MAP3K7: variants seen among roughly 807,000 people sequenced by gnomAD.
MAP3K7 encodes TGF-beta activated kinase 1.
A neutral mutation model predicts 84.8 loss-of-function variants in MAP3K7; 21 were observed. The ratio of observed to expected loss-of-function variants is 0.25; its 90% confidence interval spans 0.18 to 0.36. MAP3K7 has a LOEUF of 0.36. MAP3K7 is among the 10% of genes least tolerant of loss of function. The pLI, the probability that MAP3K7 is intolerant of heterozygous loss-of-function variation, is 1.00. For synonymous variants in MAP3K7, 241 were observed against 247.7 expected, an observed-to-expected ratio of 0.97 and a Z score of 0.25; for missense variants, 503 against 747.7, an observed-to-expected ratio of 0.67 and a Z score of 3.82.
At chr6:90,530,956 T>C (rs1775488709) in intron 13 of MAP3K7, among the ~76,000 whole-genome samples, 2 of 152,196 alleles carry the variant, frequency 1.3e-5, no homozygotes, top group South Asian at 4.1e-4. Flanking sequence ...CTCCTTCCTC[T>C]AAGACATTTA....
chr6:90,577,062 G>T (rs968784770), intron 1 of MAP3K7, among the ~76,000 whole-genome samples: 1 of 152,160 alleles, frequency 6.6e-6, no homozygotes, highest in Non-Finnish European at 1.5e-5. Context: ...TGTAAATAGA[G>T]ACCCATTAGG....
intron 3 of MAP3K7, among the ~76,000 whole-genome samples, chr6:90,562,646 G>C (rs557938864): frequency 6.6e-6 from 1 of 152,358 alleles, no homozygotes; most frequent in African/African-American, 2.4e-5. Context: ...CACCTCTGGG[G>C]GCAGGGCATA....
intron 13 of MAP3K7, among the ~76,000 whole-genome samples, chr6:90,535,148 A>G (rs1315391603): frequency 1.3e-5 from 2 of 152,114 alleles, no homozygotes; most frequent in East Asian, 3.8e-4. Flanking sequence ...AAATAAACAT[A>G]TTTCCAGATA....
At chr6:90,547,138 C>A in intron 11 of MAP3K7, 120 bp downstream of exon 11, 1 of 1,050,708 alleles carries the variant, frequency 9.5e-7, no homozygotes, top group Non-Finnish European at 1.4e-6. Flanking sequence ...ATATTGTAAA[C>A]CTACTTCCTA....
At chr6:90,547,207 C>T in intron 11 of MAP3K7, 51 bp downstream of exon 11, 1 of 1,595,852 alleles carries the variant, frequency 6.3e-7, no homozygotes, top group Non-Finnish European at 8.5e-7. Flanking sequence ...CTACCATGGC[C>T]AAAAAGGCTT....
intron 1 of MAP3K7, among the ~76,000 whole-genome samples, chr6:90,577,699 C>G (rs911024147): frequency 1.2e-4 from 19 of 152,290 alleles, no homozygotes; most frequent in African/African-American, 4.6e-4. Context: ...GCCAGTGGCT[C>G]TAAAAGTGTG....
At chr6:90,525,975 A>G (rs1775309468) in intron 13 of MAP3K7, among the ~76,000 whole-genome samples, 1 of 152,154 alleles carries the variant, frequency 6.6e-6, no homozygotes, top group African/African-American at 2.4e-5. Context: ...TAGCCTCCTG[A>G]GTAGCTGGGA....
chr6:90,521,433 T>C (rs1582158895), intron 14 of MAP3K7, among the ~76,000 whole-genome samples: 1 of 152,064 alleles, frequency 6.6e-6, no homozygotes, highest in Non-Finnish European at 1.5e-5. Context: ...TTCCCTTCAG[T>C]GGAATGCTGC....
chr6:90,566,733 A>C (rs1246550745), intron 3 of MAP3K7, among the ~76,000 whole-genome samples: 18 of 152,210 alleles, frequency 1.2e-4, no homozygotes, highest in Non-Finnish European at 4.4e-5. Flanking sequence ...ATATGGAACC[A>C]AAAAAGAGCC....
chr6:90,571,951 G>C (rs1014341010), intron 1 of MAP3K7, 144 bp from the exon 2 acceptor site: 2 of 481,332 alleles, frequency 4.2e-6, no homozygotes, highest in Non-Finnish European at 7.3e-6. Flanking sequence ...ACAGTATCTG[G>C]ATTTGCCACT....
chr6:90,536,198 A>AT, intron 13 of MAP3K7, 139 bp downstream of exon 13: 1 of 591,056 alleles, frequency 1.7e-6, no homozygotes, highest in East Asian at 2.9e-5. Flanking sequence ...CCCCCTAAGT[A>AT]TTTAAGTTCA....
chr6:90,560,264 A>G (rs1205571041), intron 4 of MAP3K7, 50 bp from the exon 5 acceptor site: 1 of 1,601,152 alleles, frequency 6.2e-7, no homozygotes, highest in African/African-American at 1.3e-5. Flanking sequence ...ATATAACAAA[A>G]GACACAATGT....
At chr6:90,580,426 T>C (rs1405234380) in intron 1 of MAP3K7, among the ~76,000 whole-genome samples, 2 of 152,242 alleles carry the variant, frequency 1.3e-5, no homozygotes, top group Non-Finnish European at 1.5e-5. Context: ...TTCTGAACCG[T>C]ATTCTTTTCT....
At chr6:90,567,515 T>C (rs1442450031) in intron 3 of MAP3K7, among the ~76,000 whole-genome samples, 3 of 152,144 alleles carry the variant, frequency 2.0e-5, no homozygotes, top group Non-Finnish European at 4.4e-5. Flanking sequence ...CACAATGAGA[T>C]ACCATCTCAC....
intron 12 of MAP3K7, among the ~76,000 whole-genome samples, chr6:90,538,478 T>C (rs1044988909): frequency 2.6e-5 from 4 of 151,944 alleles, no homozygotes; most frequent in East Asian, 1.9e-4. Context: ...CAGCATGATG[T>C]AAACAGATGC....
intron 1 of MAP3K7, among the ~76,000 whole-genome samples, chr6:90,576,599 C>A (rs986754729): frequency 6.6e-6 from 1 of 152,106 alleles, no homozygotes; most frequent in African/African-American, 2.4e-5. Context: ...CAAGAGTGAA[C>A]AAACCAAATC....
intron 12 of MAP3K7, chr6:90,536,647 A>G (rs1477363969): frequency 1.2e-5 from 5 of 422,142 alleles, no homozygotes; most frequent in East Asian, 4.2e-5. Flanking sequence ...ATGTCCTAAT[A>G]CAATAACCAC....
chr6:90,567,935 C>T (rs1327765945), intron 3 of MAP3K7, among the ~76,000 whole-genome samples: 2 of 152,128 alleles, frequency 1.3e-5, no homozygotes, highest in Non-Finnish European at 2.9e-5. Context: ...AAGCTGGAAA[C>T]CATTATTCTG....
chr6:90,535,473 A>G (rs1486037395), intron 13 of MAP3K7, among the ~76,000 whole-genome samples: 2 of 151,956 alleles, frequency 1.3e-5, no homozygotes, highest in East Asian at 3.9e-4. Flanking sequence ...TAACAATTTC[A>G]TTACTTAATT....
Sources: gnomAD v4.1 joint callset for allele counts (sites outside exome capture counted in the v4.1 genomes callset) on GRCh38, gnomAD v4.1.1 for gene constraint, MANE v1.5 for transcripts, NCBI Gene and HGNC (gene_info 2026-07-23, HGNC 2026-07-21) for gene names.